Variants in CEBPZ observed in about 807,000 individuals in gnomAD.
CEBPZ encodes CCAAT enhancer binding protein zeta, also known as CCAAT/enhancer-binding protein zeta.
Under a neutral mutation model 104.5 loss-of-function variants are expected in CEBPZ, and 78 were observed. The ratio of observed to expected loss-of-function variants is 0.75; its 90% CI spans 0.62 to 0.90. CEBPZ has a LOEUF of 0.90. Among genes scored for constraint, CEBPZ ranks in the 40% least tolerant of loss-of-function variants. CEBPZ has a pLI of 0.00. For synonymous variants in CEBPZ, 470 were observed against 427.0 expected, an observed-to-expected ratio of 1.10 and a Z score of -1.24; for missense variants, 1,439 against 1,233.5, an observed-to-expected ratio of 1.17 and a Z score of -2.50.
At position 37,220,491 on chromosome 2, in the gene CEBPZ, A is replaced by C. The variant is rs755020624; in HGVS notation, c.2066-18T>G. The C allele has an allele frequency of 2.2e-6, 3 of 1,370,950 alleles. No homozygotes were observed. The highest frequency in any genetic ancestry group is 1.8e-4 in the Middle Eastern group (1 of 5,496). 84.9% of individuals were successfully genotyped at this position (1,370,950 alleles called of 1,614,324 possible). On this transcript the variant is annotated intron_variant, in intron 4 of 15. Transcript: ENST00000234170. ...TTTCCCACCTAGGAATAACAAAAAA[A>C]ATACGATTTCTCAAATGCTTTCTTC...
intron 13 of CEBPZ, chr2:37,209,757 C>G (rs1393425715): frequency 2.0e-5 from 3 of 152,040 alleles, no homozygotes; most frequent in Non-Finnish European, 4.4e-5. Context: ...AACCTAAATG[C>G]AAATGCAACA....
chr2:37,217,058 A>C (rs778792391), intron 5 of CEBPZ, 21 bp from the exon 6 acceptor site: 1 of 1,594,762 alleles, frequency 6.3e-7, no homozygotes, highest in Non-Finnish European at 8.6e-7. Context: ...AAATGTGAAT[A>C]ATATCAATAT....
chr2:37,227,091 C>T (rs1664904728), intron 2 of CEBPZ, among the ~76,000 whole-genome samples: 1 of 152,114 alleles, frequency 6.6e-6, no homozygotes, highest in Admixed American at 6.5e-5. Flanking sequence ...TGCAGGCACT[C>T]AGAAAATACT....
Position 37,211,072 on chromosome 2 carries a change from G to C in CEBPZ, c.2811C>G (p.Val937=). The C allele has an allele frequency of 6.2e-7, 1 of 1,605,886 alleles. No individual in the cohort carries two copies. Among genetic ancestry groups the C allele is most frequent in the Non-Finnish European group, 8.5e-7 (1 of 1,176,942 alleles). Residue 937 remains valine, a synonymous_variant, in exon 13 of 16, where the codon GTC becomes GTG. Coordinates refer to ENST00000234170, the MANE Select transcript of CEBPZ (RefSeq NM_005760.3). ...DESESVPELE[V]HSKVSTKKSK... is the part of the protein sequence containing the mutation. ...TTTTCTTAGTACTGACTTTGGAGTGGACTTCAAGTTCTGTTACACGAAAAA... is the reference window on the plus strand; with the variant it reads ...TTTTCTTAGTACTGACTTTGGAGTGCACTTCAAGTTCTGTTACACGAAAAA...
chr2:37,223,433 G>A (rs1558476642), intron 2 of CEBPZ, 32 bp from the exon 3 acceptor site: 2 of 1,568,926 alleles, frequency 1.3e-6, no homozygotes, highest in South Asian at 1.1e-5. Context: ...AAATATTTAT[G>A]TATAAAACCA....
At chr2:37,222,884 T>C (rs1664803756) in intron 3 of CEBPZ, among the ~76,000 whole-genome samples, 1 of 152,228 alleles carries the variant, frequency 6.6e-6, no homozygotes. Flanking sequence ...TCCATTTCAT[T>C]GTTAAGGAAG....
Position 37,219,247 on chromosome 2 carries a change from G to A in CEBPZ, c.2154+1138C>T, listed in dbSNP as rs538413689. Among the ~76,000 whole-genome samples the A allele has an allele frequency of 2.2e-4, 33 of 152,284 alleles. No individual in the cohort carries two copies. In the South Asian group the frequency reaches 6.0e-3, roughly 28 times the overall value. ...ACAACTGGTAAGCACTTGTCCTTGAGACACGTGACAACCTTCATGCTTTAG... is the reference window on the plus strand; with the variant it reads ...ACAACTGGTAAGCACTTGTCCTTGAAACACGTGACAACCTTCATGCTTTAG... On this transcript the variant is annotated intron_variant, in intron 5 of 15. Transcript: ENST00000234170.
rs192503385 is a variant in CEBPZ at position 37,211,948 on chromosome 2, C to G, written c.2695G>C (p.Asp899His). The G allele has an allele frequency of 6.2e-7, 1 of 1,613,756 alleles. No homozygotes were observed. Among genetic ancestry groups the G allele is most frequent in the East Asian group, 2.2e-5 (1 of 44,842 alleles). ...SDDELGNLDDDEVSLGSMDDE... is the reference protein window; with the variant it reads ...SDDELGNLDDHEVSLGSMDDE... ...TCCATACTTCCTAAAGAAACTTCAT[C>G]GTCATCCAGGTTACCAAGTTCATCA... The change falls in exon 12 of 16, where the codon GAT becomes CAT. Residue 899 changes from aspartate (D) to histidine (H), a missense_variant. By Grantham distance (81) the Asp-to-His change is moderately conservative. Transcript: ENST00000234170.
intron 7 of CEBPZ, 53 bp from the exon 8 acceptor site, chr2:37,216,261 T>C: frequency 2.5e-6 from 4 of 1,598,990 alleles, no homozygotes; most frequent in Admixed American, 1.7e-5. Flanking sequence ...TAAGCTCATA[T>C]TGTTTATTAT....
chr2:37,212,189 G>C lies in CEBPZ; in HGVS notation c.2603+146C>G, dbSNP rs145269987. ...GTAAATAATAACGTGCTTTATAAATGTCAAAGATGAAAGTACTGTATCCAC... is the reference window on the plus strand; with the variant it reads ...GTAAATAATAACGTGCTTTATAAATCTCAAAGATGAAAGTACTGTATCCAC... On this transcript the variant is annotated intron_variant, in intron 11 of 15. Transcript: ENST00000234170. 1,935 of 981,908 alleles carry C rather than the reference G, an allele frequency of 2.0e-3. 20 individuals carry two copies. The African/African-American group carries it at 0.022, about 11-fold the overall frequency. The allele number at this position is 981,908 out of a possible 1,614,324, so 60.8% of individuals were successfully genotyped here. A position where few individuals can be genotyped will look rare whatever the true frequency, so the allele number is the denominator to read the frequency against.
chr2:37,206,219 G>A (rs1033535083), intron 13 of CEBPZ, among the ~76,000 whole-genome samples: 2 of 152,218 alleles, frequency 1.3e-5, no homozygotes, highest in African/African-American at 2.4e-5. Flanking sequence ...ACAGAACAGC[G>A]TGTGGCAACG....
At chr2:37,208,061 A>G (rs953030470) in intron 13 of CEBPZ, among the ~76,000 whole-genome samples, 7 of 152,174 alleles carry the variant, frequency 4.6e-5, no homozygotes, top group Admixed American at 4.6e-4. Flanking sequence ...AAAAATGGAT[A>G]AATTCCTGGA....
chr2:37,214,478 A>C (rs994354666), intron 9 of CEBPZ, among the ~76,000 whole-genome samples: 2 of 152,142 alleles, frequency 1.3e-5, no homozygotes, highest in East Asian at 3.8e-4. Context: ...TTATATTAAA[A>C]TCTATATTAA....
chr2:37,205,876 T>C (rs945985508), intron 13 of CEBPZ, among the ~76,000 whole-genome samples: 7 of 151,932 alleles, frequency 4.6e-5, no homozygotes, highest in African/African-American at 1.7e-4. Context: ...AAAAAACAAT[T>C]AGCAGAAAGA....
chr2:37,214,314 CAGATG>C (rs2148352161), intron 9 of CEBPZ, among the ~76,000 whole-genome samples: 1 of 152,090 alleles, frequency 6.6e-6, no homozygotes, highest in South Asian at 2.1e-4. Flanking sequence ...ACCAGTCAAC[CAGATG>C]AGATAAGAGG....
intron 2 of CEBPZ, among the ~76,000 whole-genome samples, chr2:37,226,269 G>A (rs901164395): frequency 1.3e-5 from 2 of 151,994 alleles, no homozygotes; most frequent in Admixed American, 6.6e-5. Flanking sequence ...GGTGTGTAGG[G>A]GCAACCCACC....
intron 9 of CEBPZ, 56 bp downstream of exon 9, chr2:37,214,830 T>C (rs1304399418): frequency 7.4e-6 from 8 of 1,082,858 alleles, no homozygotes; most frequent in African/African-American, 1.6e-5. Context: ...TTTTATGAAA[T>C]CTAAAAATTT....
rs765058535 is a variant in CEBPZ at position 37,231,546 on chromosome 2, A to C, written c.22T>G (p.Leu8Val). The C allele has an allele frequency of 1.5e-5, 24 of 1,614,074 alleles. No homozygotes were observed. In the East Asian group the frequency reaches 5.3e-4, roughly 36 times the overall value. Residue 8 changes from leucine (L) to valine (V), a missense_variant, in exon 1 of 16, where the codon TTG (leucine) becomes GTG (valine). Physicochemically the swap from Leu to Val is conservative, Grantham distance 32. Coordinates refer to ENST00000234170, the MANE Select transcript of CEBPZ (RefSeq NM_005760.3). MAAVKEP[L>V]EFHAKRPWRP... ...CAAGGCCGCTTGGCATGGAACTCCA[A>C]AGGCTCCTTGACTGCGGCCATGGCG... is the stretch of plus-strand genomic sequence containing the variant.
intron 13 of CEBPZ, among the ~76,000 whole-genome samples, chr2:37,208,155 T>TA (rs1677601443): frequency 6.6e-6 from 1 of 151,878 alleles, no homozygotes; most frequent in South Asian, 2.1e-4. Flanking sequence ...GAAACAGTAA[T>TA]AAAAAAACTG....
Sources: gnomAD v4.1 joint callset for allele counts (sites outside exome capture counted in the v4.1 genomes callset) on GRCh38, gnomAD v4.1.1 for gene constraint, MANE v1.5 for transcripts, NCBI Gene and HGNC (gene_info 2026-07-23, HGNC 2026-07-21) for gene names.